Variants in GATAD2A observed in about 807,000 individuals in gnomAD.
GATAD2A encodes the protein GATA zinc finger domain containing 2A.
A neutral mutation model predicts 68.5 loss-of-function variants in GATAD2A; 12 were observed. The ratio of observed to expected loss-of-function variants is 0.18; its 90% CI spans 0.11 to 0.28. The LOEUF (loss-of-function observed/expected upper bound fraction) is 0.28. Ranked by LOEUF, GATAD2A falls within the 10% of genes least tolerant of loss-of-function variation. GATAD2A has a pLI of 1.00. For synonymous variants in GATAD2A, 410 were observed against 375.3 expected (o/e 1.09, Z -1.07); for missense variants, 755 against 868.5 (o/e 0.87, Z 1.64).
intron 1 of GATAD2A, chr19:19,465,020 T>G (rs1024972945): frequency 9.3e-6 from 4 of 428,934 alleles, no homozygotes; most frequent in African/African-American, 7.9e-5. Context: ...GAGCCTTTCC[T>G]TGCTGATAAG....
intron 1 of GATAD2A, among the ~76,000 whole-genome samples, chr19:19,450,119 G>C (rs2056214710): frequency 6.6e-6 from 1 of 152,134 alleles, no homozygotes; most frequent in African/African-American, 2.4e-5. Flanking sequence ...CTGCATTTCT[G>C]AGTAGCTCTA....
At chr19:19,435,844 T>C (rs180683116) in intron 1 of GATAD2A, among the ~76,000 whole-genome samples, 181 of 152,244 alleles carry the variant, frequency 1.2e-3, no homozygotes, top group Non-Finnish European at 1.6e-3. Flanking sequence ...ATAAAAATAA[T>C]TGTATTTCAT....
At chr19:19,434,370 G>A (rs923623059) in intron 1 of GATAD2A, among the ~76,000 whole-genome samples, 6 of 152,036 alleles carry the variant, frequency 3.9e-5, no homozygotes, top group South Asian at 2.1e-4. Flanking sequence ...TAAAAAGAGC[G>A]GCAGAAAGGG....
intron 1 of GATAD2A, among the ~76,000 whole-genome samples, chr19:19,444,344 C>A (rs769924638): frequency 6.6e-6 from 1 of 152,120 alleles, no homozygotes; most frequent in African/African-American, 2.4e-5. Context: ...AGGGACCCAG[C>A]GAACAGTGTG....
chr19:19,450,009 T>C (rs1220702964), intron 1 of GATAD2A, among the ~76,000 whole-genome samples: 1 of 152,056 alleles, frequency 6.6e-6, no homozygotes, highest in Non-Finnish European at 1.5e-5. Context: ...AGGCTGGTCT[T>C]GAGCTCTTGT....
chr19:19,475,750 C>T (rs936658925), intron 2 of GATAD2A, among the ~76,000 whole-genome samples: 23 of 152,162 alleles, frequency 1.5e-4, no homozygotes, highest in Admixed American at 9.8e-4. Flanking sequence ...CAGTGGCCAC[C>T]GTCTGTCTCC....
intron 1 of GATAD2A, among the ~76,000 whole-genome samples, chr19:19,395,749 G>T (rs976553854): frequency 2.6e-5 from 4 of 152,140 alleles, no homozygotes; most frequent in African/African-American, 9.7e-5. Context: ...TTGAAGAATC[G>T]TTTGCAGTTA....
intron 9 of GATAD2A, among the ~76,000 whole-genome samples, chr19:19,501,703 G>A (rs2060536423): frequency 6.6e-6 from 1 of 152,194 alleles, no homozygotes; most frequent in Admixed American, 6.5e-5. Context: ...ATTTGGAGAG[G>A]AACAAGTTTG....
rs536272590 is a variant in GATAD2A, at chr19:19,507,321, A to AT, written c.*1848dup. ...TCGCATTTTTCTGTGTGCCTGGCAA[A>AT]TAAATACCTGTCTCCTACGACCCTG... is the stretch of plus-strand genomic sequence containing the variant. On this transcript the variant is annotated 3_prime_UTR_variant, in exon 12 of 12. Transcript: ENST00000683918. The AT allele has an allele frequency of 8.0e-4, 121 of 152,028 alleles. No individual in the cohort carries two copies. The highest frequency in any genetic ancestry group is 2.7e-3 in the African/African-American group (113 of 41,418). The allele number at this position is 152,028 out of a possible 1,614,324, so 9.4% of individuals were successfully genotyped here. A position where few individuals can be genotyped will look rare whatever the true frequency, so the allele number is the denominator to read the frequency against.
At chr19:19,479,864 GTC>G (rs1266161342) in intron 2 of GATAD2A, among the ~76,000 whole-genome samples, 1 of 127,736 alleles carries the variant, frequency 7.8e-6, no homozygotes, top group African/African-American at 3.0e-5. Context: ...TTGAGATGGA[GTC>G]TCACTGCGTT....
intron 1 of GATAD2A, among the ~76,000 whole-genome samples, chr19:19,418,019 G>A (rs182594393): frequency 1.3e-3 from 198 of 152,296 alleles, no homozygotes; most frequent in Middle Eastern, 3.4e-3. Context: ...CAGCTAAAGG[G>A]CGGGCAGGAG....
chr19:19,388,319 A>G (rs2048601098), intron 1 of GATAD2A, among the ~76,000 whole-genome samples: 1 of 151,872 alleles, frequency 6.6e-6, no homozygotes. Context: ...GGCCTCCCAA[A>G]GTGCTGGGAT....
Position 19,507,235 on chromosome 19 carries a change from G to A in GATAD2A, c.*1761G>A, listed in dbSNP as rs1412017711. On this transcript the variant is annotated 3_prime_UTR_variant, in exon 12 of 12. Transcript: ENST00000683918. ...GATGTTTTTTGGGGTGGGAGGGGAG[G>A]GTGTGTTTTTTACACCAAAAAAAAA... 1 of 143,078 alleles carries A rather than the reference G, an allele frequency of 7.0e-6. No homozygotes were observed. Among genetic ancestry groups the A allele is most frequent in the Non-Finnish European group, 1.5e-5 (1 of 66,292 alleles). 8.9% of individuals were successfully genotyped at this position (143,078 alleles called of 1,614,324 possible).
At chr19:19,425,618 C>G (rs1455746327) in intron 1 of GATAD2A, among the ~76,000 whole-genome samples, 2 of 152,142 alleles carry the variant, frequency 1.3e-5, no homozygotes, top group Non-Finnish European at 2.9e-5. Context: ...CAGTTGGGTA[C>G]CTCAGGCGGG....
intron 1 of GATAD2A, among the ~76,000 whole-genome samples, chr19:19,415,838 G>C (rs1362296418): frequency 2.0e-5 from 3 of 151,654 alleles, no homozygotes; most frequent in Non-Finnish European, 4.4e-5. Flanking sequence ...GGATGGTCTT[G>C]ATCCCTTGAC....
rs912223137 is a variant in GATAD2A, at chr19:19,502,549, C to T, written c.1774+23C>T. On this transcript the variant is annotated intron_variant, in intron 11 of 11. Transcript: ENST00000683918. ...CAGGTGGGTGACCTCCACAGGGCTC[C>T]CCAGGGGACCTGCCCATTGTGGGGT... is the stretch of plus-strand genomic sequence containing the variant. 7.7e-6 allele frequency: 12 copies of T among 1,561,208 alleles called. No homozygotes were observed. The Admixed American group carries it at 2.2e-4, about 28-fold the overall frequency.
chr19:19,457,227 C>T (rs2057014226), intron 1 of GATAD2A: 2 of 985,322 alleles, frequency 2.0e-6, no homozygotes, highest in Non-Finnish European at 2.4e-6. Flanking sequence ...AGCCTGTTAT[C>T]TGGTGAGTGA....
chr19:19,474,264 G>GCATGGGGCTCTCCTGGTGTGCCC, intron 2 of GATAD2A: 1 of 576,696 alleles, frequency 1.7e-6, no homozygotes, highest in Admixed American at 6.3e-5. Flanking sequence ...AACCACGTGA[G>GCATGGGGCTCTCCTGGTGTGCCC]CATGGGGCTC....
At chr19:19,451,809 G>T (rs1170465072) in intron 1 of GATAD2A, among the ~76,000 whole-genome samples, 1 of 152,206 alleles carries the variant, frequency 6.6e-6, no homozygotes. Flanking sequence ...GAGAACTACT[G>T]TTCTTTTGTT....
Sources: allele counts gnomAD v4.1 joint callset (sites outside exome capture counted in the v4.1 genomes callset), GRCh38; gene constraint gnomAD v4.1.1; transcripts MANE v1.5; gene names NCBI Gene and HGNC (gene_info 2026-07-23, HGNC 2026-07-21).